Variants in RB1CC1 observed in about 807,000 individuals in gnomAD.
The protein encoded by RB1CC1 is RB1 inducible coiled-coil 1.
RB1CC1 carries 46 observed loss-of-function variants against 177.5 expected under a neutral mutation model. The observed-to-expected ratio is 0.26, with a 90% CI of 0.20 to 0.33. The LOEUF (loss-of-function observed/expected upper bound fraction) is 0.33. RB1CC1 is among the 10% of genes least tolerant of loss of function. The probability of loss-of-function intolerance (pLI) is 1.00; values close to 1 mark genes in which losing one functional copy is unlikely to be tolerated. For synonymous variants in RB1CC1, 666 were observed against 613.6 expected, an observed-to-expected ratio of 1.09 and a Z score of -1.26; for missense variants, 1,703 against 1,816.3, an observed-to-expected ratio of 0.94 and a Z score of 1.13.
At chr8:52,705,784 T>C (rs913679827) in intron 1 of RB1CC1, among the ~76,000 whole-genome samples, 1 of 152,142 alleles carries the variant, frequency 6.6e-6, no homozygotes, top group Non-Finnish European at 1.5e-5. Flanking sequence ...TACAGTGAGC[T>C]ATGATGGCAT....
chr8:52,664,103 C>T lies in RB1CC1; in HGVS notation c.1174-2384G>A, dbSNP rs529856980. On this transcript the variant is annotated intron_variant, in intron 8 of 23. Transcript: ENST00000025008. ...AACCTTGACTCTGTACATCCCTTGG[C>T]GGCAGCCAAATACATGACAATATAG... Among the ~76,000 whole-genome samples the T allele has an allele frequency of 9.8e-5, 15 of 152,300 alleles. No individual in the cohort carries two copies. The South Asian group carries it at 1.9e-3, about 19-fold the overall frequency.
At chr8:52,699,121 A>T (rs1005573545) in intron 1 of RB1CC1, among the ~76,000 whole-genome samples, 1 of 152,214 alleles carries the variant, frequency 6.6e-6, no homozygotes, top group Admixed American at 6.5e-5. Context: ...CCAGTAAAAC[A>T]TTTAGCTGCT....
intron 1 of RB1CC1, among the ~76,000 whole-genome samples, chr8:52,706,813 C>T (rs1856605604): frequency 6.6e-6 from 1 of 151,834 alleles, no homozygotes; most frequent in African/African-American, 2.4e-5. Flanking sequence ...CACCCACCAC[C>T]ACACCCAGCT....
chr8:52,663,972 C>T (rs1271664799), intron 8 of RB1CC1, among the ~76,000 whole-genome samples: 1 of 152,146 alleles, frequency 6.6e-6, no homozygotes, highest in East Asian at 1.9e-4. Flanking sequence ...ATAATTACAA[C>T]TGTGGTACAG....
At chr8:52,642,986 C>T in intron 16 of RB1CC1, 174 bp from the exon 17 acceptor site, 8 of 690,140 alleles carry the variant, frequency 1.2e-5, no homozygotes, top group Non-Finnish European at 1.6e-5. Context: ...AAAGGTTCTA[C>T]TTTCTTGGTT....
chr8:52,647,822 G>C (rs1158980733), intron 15 of RB1CC1, among the ~76,000 whole-genome samples: 1 of 152,144 alleles, frequency 6.6e-6, no homozygotes, highest in African/African-American at 2.4e-5. Flanking sequence ...GATATCGTGT[G>C]AATCTAGGCT....
At chr8:52,712,893 T>C (rs1252884655) in intron 1 of RB1CC1, among the ~76,000 whole-genome samples, 1 of 152,180 alleles carries the variant, frequency 6.6e-6, no homozygotes, top group Non-Finnish European at 1.5e-5. Context: ...AATCCAATAA[T>C]CCAAAAACTA....
intron 21 of RB1CC1, 49 bp from the exon 22 acceptor site, chr8:52,628,217 C>T: frequency 1.3e-6 from 2 of 1,550,510 alleles, no homozygotes; most frequent in South Asian, 1.2e-5. Context: ...TTTCAATCCC[C>T]CTATTCTGAA....
chr8:52,648,594 A>G (rs1376099041), intron 15 of RB1CC1, among the ~76,000 whole-genome samples: 2 of 152,152 alleles, frequency 1.3e-5, no homozygotes, highest in African/African-American at 2.4e-5. Flanking sequence ...CCCTTTACCC[A>G]CAGGGAATAT....
chr8:52,661,224 C>A lies in RB1CC1; in HGVS notation c.1416G>T (p.Leu472Phe). Reference sequence around the variant, plus strand: ...CTAACAGCTCTATTACGAGGCGGAGCAAAGCTTGTAACTTCTCTCCATCTT... The same window carrying A: ...CTAACAGCTCTATTACGAGGCGGAGAAAAGCTTGTAACTTCTCTCCATCTT... ...ADQDGEKLQA[L>F]LRLVIELLER... The change falls in exon 10 of 24, where the codon TTG (leucine) becomes TTT (phenylalanine). Residue 472 changes from leucine (L) to phenylalanine (F), a missense_variant. Physicochemically the swap from Leu to Phe is conservative, Grantham distance 22. Around this residue, in one of 6 missense-constraint regions of RB1CC1, gnomAD observed 1,169 missense variants for 1,184.7 expected, o/e 0.99. Transcript: ENST00000025008. 1 of 1,613,850 alleles carries A rather than the reference C, an allele frequency of 6.2e-7. No homozygotes were observed. The highest frequency in any genetic ancestry group is 8.5e-7 in the Non-Finnish European group (1 of 1,179,864).
intron 1 of RB1CC1, among the ~76,000 whole-genome samples, chr8:52,696,844 T>C (rs1855459885): frequency 6.6e-6 from 1 of 151,698 alleles, no homozygotes; most frequent in Admixed American, 6.6e-5. Flanking sequence ...CTCTACAAAA[T>C]ATACAAAAAT....
Position 52,708,194 on chromosome 8 carries a change from T to C in RB1CC1, c.-167+5881A>G, listed in dbSNP as rs74844032. Among the ~76,000 whole-genome samples, 750 of 152,338 alleles carry C rather than the reference T, an allele frequency of 4.9e-3. 10 individuals are homozygous for C. Among genetic ancestry groups the C allele is most frequent in the African/African-American group, 0.017 (705 of 41,582 alleles). On this transcript the variant is annotated intron_variant, in intron 1 of 23. Coordinates refer to ENST00000025008, the MANE Select transcript of RB1CC1 (RefSeq NM_014781.5). ...CCTGCCAGGTAAAATACCCCCATCTTTGCTGATCTGAATTTTACTCATCTT... is the reference window on the plus strand; with the variant it reads ...CCTGCCAGGTAAAATACCCCCATCTCTGCTGATCTGAATTTTACTCATCTT...
Position 52,713,643 on chromosome 8 carries a change from C to G in RB1CC1, c.-167+432G>C, listed in dbSNP as rs55932629. The stretch of plus-strand genomic sequence containing the variant: ...CTCGAGTCCAACACAGAATTAAGGG[C>G]TGATCCCTGGCAGCGATGAGCACAA... On this transcript the variant is annotated intron_variant, in intron 1 of 23. Transcript: ENST00000025008. 5.1e-3 allele frequency among the ~76,000 whole-genome samples: 781 copies of G among 152,336 alleles called. 5 individuals are homozygous for G. The highest frequency in any genetic ancestry group is 7.5e-3 in the Non-Finnish European group (511 of 68,030).
chr8:52,689,743 T>C (rs533440406), intron 1 of RB1CC1, among the ~76,000 whole-genome samples: 32 of 152,260 alleles, frequency 2.1e-4, no homozygotes, highest in African/African-American at 7.5e-4. Flanking sequence ...TGAGTCTTCA[T>C]GGGGCAGTTT....
intron 1 of RB1CC1, among the ~76,000 whole-genome samples, chr8:52,699,858 T>TATATATATACATAC: frequency 9.7e-6 from 1 of 102,794 alleles, no homozygotes; most frequent in East Asian, 3.8e-4. Context: ...TATATATATA[T>TATATATATACATAC]ACACACAAAA....
At chr8:52,684,671 T>A (rs1398418309) in intron 3 of RB1CC1, among the ~76,000 whole-genome samples, 1 of 152,204 alleles carries the variant, frequency 6.6e-6, no homozygotes, top group Admixed American at 6.5e-5. Context: ...AAAATAAACC[T>A]ATTGACATTT....
rs1245605751 is a variant in RB1CC1 at position 52,674,241 on chromosome 8, A to G, written c.606T>C (p.Ile202=). The G allele has an allele frequency of 6.2e-7, 1 of 1,610,924 alleles. No homozygotes were observed. Among genetic ancestry groups the G allele is most frequent in the Non-Finnish European group, 8.5e-7 (1 of 1,177,114 alleles). Reference sequence around the variant, plus strand: ...GTCTGGTTAGGCACTCCAACAGTGGAATCTTGGCCATTACTGAAACTGCAG... The same window carrying G: ...GTCTGGTTAGGCACTCCAACAGTGGGATCTTGGCCATTACTGAAACTGCAG... ...LGTAVSVMAK[I]PLLECLTRHS... The change falls in exon 7 of 24, where the codon ATT becomes ATC. Residue 202 remains isoleucine, a synonymous_variant. Transcript: ENST00000025008.
At chr8:52,649,885 A>G (rs778618060) in intron 15 of RB1CC1, among the ~76,000 whole-genome samples, 2 of 152,204 alleles carry the variant, frequency 1.3e-5, no homozygotes, top group African/African-American at 4.8e-5. Flanking sequence ...ATAAACTTTA[A>G]TAATTCCAAA....
rs532547891 is a variant in RB1CC1 at position 52,648,317 on chromosome 8, T to C, written c.3822-2450A>G. On this transcript the variant is annotated intron_variant, in intron 15 of 23. Transcript: ENST00000025008. ...CCGGCCAAAAGTACATACTATGCCA[T>C]ATTGTTTGAAGCTCCCATTAGAAAA... 3.3e-5 allele frequency among the ~76,000 whole-genome samples: 5 copies of C among 152,282 alleles called. No homozygotes were observed. In the East Asian group the frequency reaches 9.7e-4, roughly 29 times the overall value.
Sources: allele counts gnomAD v4.1 joint callset (sites outside exome capture counted in the v4.1 genomes callset), GRCh38; gene constraint gnomAD v4.1.1; regional missense constraint gnomAD v4.1.1; transcripts MANE v1.5; gene names NCBI Gene and HGNC (gene_info 2026-07-23, HGNC 2026-07-21).